PCDHA13: variants seen among roughly 807,000 people sequenced by gnomAD.
PCDHA13 encodes protocadherin alpha-13.
Under a neutral mutation model 64.8 loss-of-function variants are expected in PCDHA13, and 54 were observed. That is an observed-to-expected ratio of 0.83 (90% CI 0.67 to 1.04). The LOEUF (loss-of-function observed/expected upper bound fraction) is 1.04, where lower values mean the gene tolerates loss of function less well. Ranked by LOEUF, PCDHA13 falls within the 50% of genes least tolerant of loss-of-function variation. PCDHA13 has a pLI of 0.00. For missense variants in PCDHA13, 1,248 were observed against 1,254.3 expected (o/e 0.99, Z 0.08); for synonymous variants, 587 against 564.4 (o/e 1.04, Z -0.57).
chr5:140,927,256 C>T, intron 1 of PCDHA13: 1 of 1,614,144 alleles, frequency 6.2e-7, no homozygotes, highest in Non-Finnish European at 8.5e-7. Context: ...TGACAACTCA[C>T]CTCTCTTTCC....
chr5:140,903,163 G>T (rs2070058285), intron 1 of PCDHA13, among the ~76,000 whole-genome samples: 1 of 152,096 alleles, frequency 6.6e-6, no homozygotes, highest in Non-Finnish European at 1.5e-5. Flanking sequence ...GGTTGTGCTG[G>T]TTTACATTCC....
In PCDHA13 at chr5:141,010,015, C is replaced by G; in HGVS notation, c.*78C>G. On this transcript the variant is annotated 3_prime_UTR_variant, in exon 4 of 4. Transcript: ENST00000289272. ...CTCTCCCATGTAGCAATTCCCTGCT[C>G]CTTTTTCCTATCTACATGAGCCCTC... is the stretch of plus-strand genomic sequence containing the variant. 6.4e-7 allele frequency: 1 copy of G among 1,572,182 alleles called. No homozygotes were observed. Among genetic ancestry groups the G allele is most frequent in the Non-Finnish European group, 8.6e-7 (1 of 1,163,250 alleles).
At chr5:140,912,312 T>C (rs2075860793) in intron 1 of PCDHA13, among the ~76,000 whole-genome samples, 1 of 151,960 alleles carries the variant, frequency 6.6e-6, no homozygotes, top group African/African-American at 2.4e-5. Flanking sequence ...TCCAGTCAAG[T>C]TGACCCTCAG....
intron 1 of PCDHA13, among the ~76,000 whole-genome samples, chr5:140,972,752 C>A (rs1332478312): frequency 1.3e-5 from 2 of 151,214 alleles, no homozygotes; most frequent in Non-Finnish European, 2.9e-5. Context: ...CAACCTCCGC[C>A]TCCCAAGTTA....
At chr5:140,946,631 T>TATATATACAC (rs57893927) in intron 1 of PCDHA13, among the ~76,000 whole-genome samples, 11,667 of 131,732 alleles carry the variant, frequency 0.089, 743 homozygotes, top group Middle Eastern at 0.14. Context: ...TATATATATA[T>TATATATACAC]ACAATGGAAT....
At chr5:140,924,738 T>C (rs2153573504) in intron 1 of PCDHA13, among the ~76,000 whole-genome samples, 1 of 151,522 alleles carries the variant, frequency 6.6e-6, no homozygotes, top group Admixed American at 6.6e-5. Flanking sequence ...CTAATAAAAA[T>C]ACAAAAATTA....
At chr5:140,977,055 A>G (rs1220462981) in intron 1 of PCDHA13, among the ~76,000 whole-genome samples, 1 of 152,234 alleles carries the variant, frequency 6.6e-6, no homozygotes, top group Non-Finnish European at 1.5e-5. Context: ...CTGATGGACT[A>G]GTATAGAAAA....
intron 1 of PCDHA13, among the ~76,000 whole-genome samples, chr5:140,974,423 C>T (rs2096627451): frequency 6.6e-6 from 1 of 152,166 alleles, no homozygotes; most frequent in Non-Finnish European, 1.5e-5. Flanking sequence ...ATTTTACTTT[C>T]CTGGTTTGTA....
At chr5:140,999,486 A>G (rs1282748321) in intron 3 of PCDHA13, among the ~76,000 whole-genome samples, 1 of 152,144 alleles carries the variant, frequency 6.6e-6, no homozygotes, top group Non-Finnish European at 1.5e-5. Context: ...ACTCAAGTCT[A>G]TGTTACCCAA....
At chr5:140,968,467 A>T in intron 1 of PCDHA13, 1 of 1,614,124 alleles carries the variant, frequency 6.2e-7, no homozygotes, top group East Asian at 2.2e-5. Flanking sequence ...CTGCCAACGT[A>T]TATGTGGTGG....
At chr5:140,912,494 A>T (rs536513157) in intron 1 of PCDHA13, among the ~76,000 whole-genome samples, 1 of 152,190 alleles carries the variant, frequency 6.6e-6, no homozygotes, top group South Asian at 2.1e-4. Context: ...CAGATCTAGG[A>T]GCTTTTTGGA....
intron 1 of PCDHA13, among the ~76,000 whole-genome samples, chr5:140,892,007 T>C (rs1285446962): frequency 1.3e-5 from 2 of 152,244 alleles, no homozygotes; most frequent in South Asian, 2.1e-4. Context: ...CATTCTGTTA[T>C]AGCAGCACAA....
chr5:140,983,444 TC>T (rs1554245415), intron 3 of PCDHA13, among the ~76,000 whole-genome samples: 1 of 152,224 alleles, frequency 6.6e-6, no homozygotes. Context: ...TCTACTCTAA[TC>T]CTCTATTAAT....
intron 1 of PCDHA13, among the ~76,000 whole-genome samples, chr5:140,964,965 G>GA (rs1296818132): frequency 6.6e-6 from 1 of 152,204 alleles, no homozygotes; most frequent in Non-Finnish European, 1.5e-5. Context: ...TTGGTGGAAC[G>GA]AAGGGATGTG....
At chr5:140,932,734 C>G (rs1295804671) in intron 1 of PCDHA13, among the ~76,000 whole-genome samples, 2 of 151,588 alleles carry the variant, frequency 1.3e-5, no homozygotes, top group Non-Finnish European at 1.5e-5. Context: ...AATATAGACC[C>G]TCAAATCAGT....
chr5:140,884,734 C>G, intron 1 of PCDHA13, 72 bp downstream of exon 1: 1 of 1,445,332 alleles, frequency 6.9e-7, no homozygotes. Flanking sequence ...TTTAAGACAT[C>G]TTTCCTGCCA....
chr5:140,885,293 G>C (rs945786135), intron 1 of PCDHA13, among the ~76,000 whole-genome samples: 8 of 152,122 alleles, frequency 5.3e-5, no homozygotes, highest in Non-Finnish European at 1.5e-5. Context: ...TATAGAGAGA[G>C]ACCTGGTAGG....
At chr5:140,938,218 T>A (rs1050033125) in intron 1 of PCDHA13, among the ~76,000 whole-genome samples, 3 of 152,210 alleles carry the variant, frequency 2.0e-5, no homozygotes, top group Admixed American at 2.0e-4. Context: ...AGTGCTGGGA[T>A]TACAGGCATA....
intron 3 of PCDHA13, among the ~76,000 whole-genome samples, chr5:140,985,169 C>G (rs1169892350): frequency 6.6e-6 from 1 of 152,122 alleles, no homozygotes; most frequent in Non-Finnish European, 1.5e-5. Flanking sequence ...AATCTCCTGA[C>G]CTCGTAATCC....
Sources: gnomAD v4.1 joint callset for allele counts (sites outside exome capture counted in the v4.1 genomes callset) on GRCh38, gnomAD v4.1.1 for gene constraint, MANE v1.5 for transcripts, NCBI Gene and HGNC (gene_info 2026-07-23, HGNC 2026-07-21) for gene names.